Variants in NCOA2 observed in about 807,000 individuals in gnomAD.
NCOA2 encodes nuclear receptor coactivator 2.
NCOA2 carries 21 observed loss-of-function variants against 145.1 expected under a neutral mutation model. The observed-to-expected ratio is 0.14, with a 90% confidence interval of 0.10 to 0.21. NCOA2 has a LOEUF of 0.21. Ranked by LOEUF, NCOA2 falls within the 10% of genes least tolerant of loss-of-function variation. The pLI is 1.00. For synonymous variants in NCOA2, 619 were observed against 637.5 expected (o/e 0.97, Z 0.44); for missense variants, 1,472 against 1,837.6 (o/e 0.80, Z 3.64).
intron 4 of NCOA2, among the ~76,000 whole-genome samples, chr8:70,204,999 C>T (rs1292120497): frequency 1.3e-5 from 2 of 152,058 alleles, no homozygotes; most frequent in Non-Finnish European, 2.9e-5. Flanking sequence ...CAGAGCAAGA[C>T]CTTGTCTCAA....
At chr8:70,345,453 A>C (rs1367678381) in intron 1 of NCOA2, among the ~76,000 whole-genome samples, 1 of 152,218 alleles carries the variant, frequency 6.6e-6, no homozygotes, top group Non-Finnish European at 1.5e-5. Flanking sequence ...GGATTACAAA[A>C]ACAACAGCAG....
chr8:70,111,275 C>T lies in NCOA2; in HGVS notation c.*2357G>A, dbSNP rs553445186. On this transcript the variant is annotated 3_prime_UTR_variant, in exon 23 of 23. Coordinates refer to ENST00000452400, the MANE Select transcript of NCOA2 (RefSeq NM_006540.4). Reference sequence around the variant, plus strand: ...GAAGAGATAGGTAGATAGTTTTGGACGGTGTTGTAGTGAAAAGGGACTTGA... The same window carrying T: ...GAAGAGATAGGTAGATAGTTTTGGATGGTGTTGTAGTGAAAAGGGACTTGA... The T allele has an allele frequency of 3.1e-5, 7 of 226,200 alleles. No individual in the cohort carries two copies. Among genetic ancestry groups the T allele is most frequent in the African/African-American group, 6.7e-5 (3 of 45,066 alleles). 14.0% of individuals were successfully genotyped at this position (226,200 alleles called of 1,614,324 possible). A position where few individuals can be genotyped will look rare whatever the true frequency, so the allele number is the denominator to read the frequency against.
At chr8:70,294,152 C>T (rs1826908529) in intron 2 of NCOA2, among the ~76,000 whole-genome samples, 1 of 152,018 alleles carries the variant, frequency 6.6e-6, no homozygotes, top group Admixed American at 6.5e-5. Context: ...TCTATCTGAA[C>T]CAACTCCTGA....
At chr8:70,341,815 G>C (rs879662482) in intron 1 of NCOA2, among the ~76,000 whole-genome samples, 2 of 152,092 alleles carry the variant, frequency 1.3e-5, no homozygotes, top group Non-Finnish European at 2.9e-5. Context: ...AAAGACCTTA[G>C]GATGAATTTT....
chr8:70,225,293 G>A (rs184148621), intron 2 of NCOA2, among the ~76,000 whole-genome samples: 4 of 152,306 alleles, frequency 2.6e-5, no homozygotes, highest in Admixed American at 2.6e-4. Context: ...GCTCACGCCT[G>A]TAATCCCAGC....
intron 15 of NCOA2, among the ~76,000 whole-genome samples, chr8:70,133,349 C>G (rs1309916486): frequency 6.6e-6 from 1 of 152,008 alleles, no homozygotes; most frequent in Non-Finnish European, 1.5e-5. Flanking sequence ...TCCTGAGTAG[C>G]TGGGACTACA....
intron 2 of NCOA2, 76 bp from the exon 3 acceptor site, chr8:70,216,840 A>C (rs1819670162): frequency 4.3e-6 from 4 of 929,834 alleles, no homozygotes; most frequent in Non-Finnish European, 6.9e-6. Context: ...TTTTACCAAC[A>C]ATAAAAGAAT....
At chr8:70,261,390 G>T (rs1326051132) in intron 2 of NCOA2, among the ~76,000 whole-genome samples, 2 of 151,428 alleles carry the variant, frequency 1.3e-5, no homozygotes, top group East Asian at 4.0e-4. Context: ...TCACAGGTGG[G>T]AATTGAACAA....
At chr8:70,115,322 T>G (rs2131192487) in intron 22 of NCOA2, among the ~76,000 whole-genome samples, 1 of 152,316 alleles carries the variant, frequency 6.6e-6, no homozygotes, top group South Asian at 2.1e-4. Flanking sequence ...AGAAACTTTG[T>G]AAGGCAGTAT....
intron 1 of NCOA2, among the ~76,000 whole-genome samples, chr8:70,334,365 T>C (rs1239222025): frequency 6.6e-6 from 1 of 152,146 alleles, no homozygotes; most frequent in Non-Finnish European, 1.5e-5. Flanking sequence ...CCTGTATCTT[T>C]CTGTGTCATG....
At chr8:70,164,178 A>G (rs116772955) in intron 7 of NCOA2, among the ~76,000 whole-genome samples, 1,811 of 152,344 alleles carry the variant, frequency 0.012, 49 homozygotes, top group African/African-American at 0.041. Context: ...ATTATAGTTC[A>G]GAATCTTGGC....
chr8:70,292,372 C>G (rs569982910), intron 2 of NCOA2, among the ~76,000 whole-genome samples: 1 of 151,832 alleles, frequency 6.6e-6, no homozygotes, highest in Non-Finnish European at 1.5e-5. Context: ...AGGATGGTCT[C>G]GATCTCTTGA....
chr8:70,334,637 C>A (rs998512843), intron 1 of NCOA2, among the ~76,000 whole-genome samples: 1 of 152,160 alleles, frequency 6.6e-6, no homozygotes, highest in African/African-American at 2.4e-5. Context: ...ATCCTTACAT[C>A]AATCCTAGTA....
At chr8:70,445,714 GC>G in the NCOA2 span, among the ~76,000 whole-genome samples, 449 of 152,278 alleles carry the variant, frequency 2.9e-3, 2 homozygotes, top group African/African-American at 0.01. Context: ...TCCATGTTCT[GC>G]AGCCTGGGGC....
At chr8:70,181,329 T>G (rs987212374) in intron 4 of NCOA2, among the ~76,000 whole-genome samples, 3 of 152,196 alleles carry the variant, frequency 2.0e-5, no homozygotes, top group African/African-American at 7.2e-5. Flanking sequence ...AAGTTGATAC[T>G]CTTGCTTTTT....
chr8:70,158,778 CA>C (rs888044751), intron 10 of NCOA2, among the ~76,000 whole-genome samples: 2 of 151,980 alleles, frequency 1.3e-5, no homozygotes, highest in African/African-American at 4.8e-5. Flanking sequence ...CAAAACAAAA[CA>C]AAAAAACCAA....
At chr8:70,159,236 A>ATATCTATATATATATATATATATATATG (rs1554578476) in intron 10 of NCOA2, among the ~76,000 whole-genome samples, 1 of 16,046 alleles carries the variant, frequency 6.2e-5, no homozygotes, top group Non-Finnish European at 2.2e-4. Flanking sequence ...ATATATATAT[A>ATATCTATATATATATATATATATATATG]TATATATTTT....
chr8:70,121,239 G>A (rs1297587333), intron 22 of NCOA2, 63 bp downstream of exon 22: 1 of 1,332,960 alleles, frequency 7.5e-7, no homozygotes, highest in Non-Finnish European at 1.1e-6. Flanking sequence ...TGCCACTTTT[G>A]GTCTATCAAA....
intron 2 of NCOA2, among the ~76,000 whole-genome samples, chr8:70,219,642 G>T (rs951838410): frequency 2.0e-5 from 3 of 152,020 alleles, no homozygotes; most frequent in African/African-American, 7.2e-5. Context: ...GACCAAAAGT[G>T]GGGGGAGCGA....
Sources: allele counts gnomAD v4.1 joint callset (sites outside exome capture counted in the v4.1 genomes callset), GRCh38; gene constraint gnomAD v4.1.1; transcripts MANE v1.5; gene names NCBI Gene and HGNC (gene_info 2026-07-23, HGNC 2026-07-21).